The following GDF5 variants were observed in gnomAD, a reference collection of about 807,000 sequenced individuals.
The protein encoded by GDF5 is growth differentiation factor 5, also known as growth/differentiation factor 5.
In GDF5, 17 loss-of-function variants were observed where a neutral mutation model predicts 34.6. The ratio of observed to expected loss-of-function variants is 0.49; its 90% confidence interval spans 0.34 to 0.74. The LOEUF is 0.74. GDF5 is among the 30% of genes least tolerant of loss of function. The pLI is 0.01. For missense variants in GDF5, 616 were observed against 661.2 expected (o/e 0.93, Z 0.75); for synonymous variants, 332 against 290.7 (o/e 1.14, Z -1.44).
intron 1 of GDF5, among the ~76,000 whole-genome samples, chr20:35,436,072 C>T (rs1335750269): frequency 6.6e-6 from 1 of 152,148 alleles, no homozygotes; most frequent in African/African-American, 2.4e-5. Context: ...ATGTGAGAAG[C>T]TCAGTAGTAT....
At chr20:35,451,297 T>C (rs1178262458) in intron 1 of GDF5, among the ~76,000 whole-genome samples, 1 of 151,522 alleles carries the variant, frequency 6.6e-6, no homozygotes, top group African/African-American at 2.4e-5. Flanking sequence ...TTTCTAGAGA[T>C]GGAATTTAGG....
At chr20:35,451,926 A>G (rs757632447) in intron 1 of GDF5, among the ~76,000 whole-genome samples, 3 of 152,172 alleles carry the variant, frequency 2.0e-5, no homozygotes, top group Non-Finnish European at 4.4e-5. Flanking sequence ...ATGGACTACT[A>G]TCAGTCTGTG....
Position 35,433,408 on chromosome 20 carries a change from C to T in GDF5, c.*501G>A, listed in dbSNP as rs1250118280. 1 of 317,168 alleles carries T rather than the reference C, an allele frequency of 3.2e-6. No individual in the cohort carries two copies. The highest frequency in any genetic ancestry group is 6.2e-6 in the Non-Finnish European group (1 of 160,852). 19.6% of individuals were successfully genotyped at this position (317,168 alleles called of 1,614,324 possible). A position where few individuals can be genotyped will look rare whatever the true frequency, so the allele number is the denominator to read the frequency against. ...ACATTTAAATCTAACAGTCTAACAG[C>T]CTCACACTCCTCAACTCTATCCAAG... On this transcript the variant is annotated 3_prime_UTR_variant, in exon 2 of 2. Transcript: ENST00000374369.
rs748915219 is a variant in GDF5, at chr20:35,434,371, G to T, written c.1044C>A (p.Thr348=). ...EKALFLVFGR[T]KKRDLFFNEI... ...CATTAAAGAACAGGTCCCGTTTCTT[G>T]GTGCGGCCAAACACCAGGAACAGGG... The change falls in exon 2 of 2, where the codon ACC becomes ACA. Residue 348 remains threonine, a synonymous_variant. Transcript: ENST00000374369. 8 of 1,613,758 alleles carry T rather than the reference G, an allele frequency of 5.0e-6. No homozygotes were observed. The highest frequency in any genetic ancestry group is 2.7e-5 in the African/African-American group (2 of 75,050).
upstream of GDF5, among the ~76,000 whole-genome samples, chr20:35,439,210 C>T (rs1157526493): frequency 6.7e-6 from 1 of 149,540 alleles, no homozygotes; most frequent in Admixed American, 6.7e-5. Flanking sequence ...CTACAGGAGG[C>T]TGGAAAAGCC....
At position 35,433,833 on chromosome 20, in the gene GDF5, G is replaced by C. The variant is rs113049162; in HGVS notation, c.*76C>G. On this transcript the variant is annotated 3_prime_UTR_variant, in exon 2 of 2. Transcript: ENST00000374369. ...GTAGATGCTCCTGCCACAGCTTCCTGACCCCTCTGTGATTCCAGGAGTGCA... is the reference window on the plus strand; with the variant it reads ...GTAGATGCTCCTGCCACAGCTTCCTCACCCCTCTGTGATTCCAGGAGTGCA... The C allele has an allele frequency of 2.7e-5, 33 of 1,231,456 alleles. 2 individuals carry two copies. Among genetic ancestry groups the C allele is most frequent in the African/African-American group, 1.8e-4 (12 of 66,732 alleles). The allele number at this position is 1,231,456 out of a possible 1,614,324, so 76.3% of individuals were successfully genotyped here. A position where few individuals can be genotyped will look rare whatever the true frequency, so the allele number is the denominator to read the frequency against.
Position 35,434,329 on chromosome 20 carries a change from A to G in GDF5, c.1086T>C (p.Ser362=). 1 of 1,613,996 alleles carries G rather than the reference A, an allele frequency of 6.2e-7. No individual in the cohort carries two copies. The highest frequency in any genetic ancestry group is 1.1e-5 in the South Asian group (1 of 91,078). ...CATACACGGTCTTATCGTCCTGGCC[A>G]GAGCGGGCCTTAATCTCATTAAAGA... is the stretch of plus-strand genomic sequence containing the variant. ...DLFFNEIKAR[S]GQDDKTVYEY... The change falls in exon 2 of 2, where the codon TCT becomes TCC. Residue 362 remains serine, a synonymous_variant. Transcript: ENST00000374369.
chr20:35,453,494 A>G (rs2062544786), intron 1 of GDF5, among the ~76,000 whole-genome samples: 1 of 152,226 alleles, frequency 6.6e-6, no homozygotes, highest in Non-Finnish European at 1.5e-5. Flanking sequence ...TATTTCAAAT[A>G]TTGTTGCAGT....
At chr20:35,451,048 A>ATATATATATAT (rs1403286330) in intron 1 of GDF5, among the ~76,000 whole-genome samples, 6 of 4,626 alleles carry the variant, frequency 1.3e-3, no homozygotes, top group African/African-American at 3.5e-3. Context: ...AACAGAAAAA[A>ATATATATATAT]AAAAAAAAAA....
intron 1 of GDF5, among the ~76,000 whole-genome samples, chr20:35,450,416 T>C (rs2146591628): frequency 6.6e-6 from 1 of 152,218 alleles, no homozygotes; most frequent in South Asian, 2.1e-4. Flanking sequence ...TGACTTTTTT[T>C]CCCTCTATTT....
At chr20:35,452,499 C>G (rs1311763837) in intron 1 of GDF5, among the ~76,000 whole-genome samples, 1 of 152,114 alleles carries the variant, frequency 6.6e-6, no homozygotes, top group Non-Finnish European at 1.5e-5. Flanking sequence ...CTCGGCTCAC[C>G]GCAACCTCCG....
chr20:35,451,452 T>C (rs1405207289), intron 1 of GDF5, among the ~76,000 whole-genome samples: 2 of 152,124 alleles, frequency 1.3e-5, no homozygotes, highest in Non-Finnish European at 2.9e-5. Flanking sequence ...ATGATCAGAC[T>C]TGAATTGTCT....
chr20:35,438,170 C>A lies in GDF5; in HGVS notation c.-242G>T. On this transcript the variant is annotated 5_prime_UTR_variant, in exon 1 of 2. Transcript: ENST00000374369. ...GACGTGCACCGTCTCCAGTCAGCAGCTGAAAATAACTCGTTCTTGAAAGGA... is the reference window on the plus strand; with the variant it reads ...GACGTGCACCGTCTCCAGTCAGCAGATGAAAATAACTCGTTCTTGAAAGGA... 1 of 571,438 alleles carries A rather than the reference C, an allele frequency of 1.7e-6. No individual in the cohort carries two copies. The highest frequency in any genetic ancestry group is 1.9e-5 in the African/African-American group (1 of 53,490). 35.4% of individuals were successfully genotyped at this position (571,438 alleles called of 1,614,324 possible). A position where few individuals can be genotyped will look rare whatever the true frequency, so the allele number is the denominator to read the frequency against.
At chr20:35,439,277 G>C (rs139224150), upstream of GDF5, among the ~76,000 whole-genome samples, 20 of 143,370 alleles carry the variant, frequency 1.4e-4, no homozygotes, top group African/African-American at 5.0e-4. Flanking sequence ...TCGCTCTGTC[G>C]AGTGCAGTGG....
intron 1 of GDF5, among the ~76,000 whole-genome samples, chr20:35,435,873 A>G (rs2062470309): frequency 6.6e-6 from 1 of 152,218 alleles, no homozygotes; most frequent in Non-Finnish European, 1.5e-5. Context: ...GACTATTTGA[A>G]GAGCACATAT....
upstream of GDF5, among the ~76,000 whole-genome samples, chr20:35,438,877 G>A (rs1449680312): frequency 7.0e-4 from 57 of 81,614 alleles, no homozygotes; most frequent in Admixed American, 4.4e-3. Context: ...GCCTGTGTGT[G>A]TGTGTGCCTG....
chr20:35,446,916 C>T (rs1226707261), intron 1 of GDF5, among the ~76,000 whole-genome samples: 1 of 151,634 alleles, frequency 6.6e-6, no homozygotes, highest in Non-Finnish European at 1.5e-5. Flanking sequence ...CCCGAGAATC[C>T]CAGCAAGAGC....
intron 1 of GDF5, chr20:35,435,175 G>A (rs1470183924): frequency 1.5e-5 from 7 of 481,190 alleles, no homozygotes; most frequent in African/African-American, 7.8e-5. Context: ...TGTTGACTGG[G>A]CACAGTGGCT....
Position 35,434,181 on chromosome 20 carries a change from T to C in GDF5, c.1234A>G (p.Met412Val), listed in dbSNP as rs770851716. Reference protein sequence around the residue: ...RKALHVNFKDMGWDDWIIAPL... With the variant: ...RKALHVNFKDVGWDDWIIAPL... Reference sequence around the variant, plus strand: ...GCGATGATCCAGTCGTCCCAGCCCATGTCCTTGAAGTTGACATGCAGTGCC... The same window carrying C: ...GCGATGATCCAGTCGTCCCAGCCCACGTCCTTGAAGTTGACATGCAGTGCC... The change falls in exon 2 of 2, where the codon ATG (methionine) becomes GTG (valine). Residue 412 changes from methionine (M) to valine (V), a missense_variant. Physicochemically the swap from Met to Val is conservative, Grantham distance 21. Coordinates refer to ENST00000374369, the MANE Select transcript of GDF5 (RefSeq NM_000557.5). The C allele has an allele frequency of 1.2e-6, 2 of 1,614,208 alleles. No homozygotes were observed. Among genetic ancestry groups the C allele is most frequent in the Non-Finnish European group, 1.7e-6 (2 of 1,180,040 alleles).
Sources: allele counts gnomAD v4.1 joint callset (sites outside exome capture counted in the v4.1 genomes callset), GRCh38; gene constraint gnomAD v4.1.1; transcripts MANE v1.5; gene names NCBI Gene and HGNC (gene_info 2026-07-23, HGNC 2026-07-21).